TNRC6B: variants seen among roughly 807,000 people sequenced by gnomAD.
The protein encoded by TNRC6B is trinucleotide repeat containing adaptor 6B, also known as trinucleotide repeat-containing gene 6B protein.
Under a neutral mutation model 203.6 loss-of-function variants are expected in TNRC6B, and 52 were observed. The observed-to-expected ratio is 0.26, with a 90% CI of 0.20 to 0.32. The LOEUF is 0.32. Ranked by LOEUF, TNRC6B falls within the 10% of genes least tolerant of loss-of-function variation. The pLI, the probability that TNRC6B is intolerant of heterozygous loss-of-function variation, is 1.00. For missense variants in TNRC6B, 1,923 were observed against 2,286.2 expected (o/e 0.84, Z 3.24); for synonymous variants, 838 against 845.7 (o/e 0.99, Z 0.16).
At chr22:40,299,922 G>A (rs1383565570) in intron 12 of TNRC6B, among the ~76,000 whole-genome samples, 2 of 152,234 alleles carry the variant, frequency 1.3e-5, no homozygotes, top group Non-Finnish European at 2.9e-5. Flanking sequence ...ACCCTGCCGG[G>A]TCAGTGACCT....
chr22:40,129,431 A>G (rs1454954663), intron 3 of TNRC6B, among the ~76,000 whole-genome samples: 2 of 152,194 alleles, frequency 1.3e-5, no homozygotes, highest in Non-Finnish European at 2.9e-5. Flanking sequence ...GGGTAGGACT[A>G]CATTCATGGG....
chr22:40,263,475 G>C (rs1244369024), intron 4 of TNRC6B, among the ~76,000 whole-genome samples: 7 of 152,210 alleles, frequency 4.6e-5, no homozygotes, highest in Admixed American at 2.6e-4. Context: ...CCAGGCCTAG[G>C]TGGAGACTGG....
rs138634667 is a variant in TNRC6B, at chr22:40,280,180, A to G, written c.3411+37A>G. 1.8e-3 allele frequency: 2,880 copies of G among 1,591,048 alleles called. 41 individuals are homozygous for G. The African/African-American group carries it at 0.035, about 19-fold the overall frequency. ...CCTTTGTTTAAGATAATAATTCATG[A>G]GAACCGCTTTGGTTCCCATTTGTCT... is the stretch of plus-strand genomic sequence containing the variant. On this transcript the variant is annotated intron_variant, in intron 10 of 22. Transcript: ENST00000454349.
chr22:40,062,358 G>A (rs1056828980), intron 1 of TNRC6B, among the ~76,000 whole-genome samples: 1 of 151,814 alleles, frequency 6.6e-6, no homozygotes, highest in Non-Finnish European at 1.5e-5. Flanking sequence ...CCACCACCAT[G>A]CCCAGCTGCC....
At chr22:40,185,941 G>A (rs2146386836) in intron 1 of TNRC6B, among the ~76,000 whole-genome samples, 1 of 152,294 alleles carries the variant, frequency 6.6e-6, no homozygotes, top group East Asian at 1.9e-4. Flanking sequence ...CGCATTCCAG[G>A]TCAGACTTAC....
chr22:40,318,933 T>C (rs559557273), intron 21 of TNRC6B, among the ~76,000 whole-genome samples: 1 of 152,096 alleles, frequency 6.6e-6, no homozygotes, highest in South Asian at 2.1e-4. Context: ...TAGCCGGGTA[T>C]GGTGGTGGGT....
intron 1 of TNRC6B, among the ~76,000 whole-genome samples, chr22:40,114,136 A>C (rs551195023): frequency 6.6e-6 from 1 of 152,280 alleles, no homozygotes; most frequent in Admixed American, 6.5e-5. Context: ...AATTGTGCTG[A>C]ATAGTCAAGT....
At chr22:40,149,675 C>A (rs1357875898) in intron 3 of TNRC6B, among the ~76,000 whole-genome samples, 3 of 122,250 alleles carry the variant, frequency 2.5e-5, no homozygotes, top group African/African-American at 1.1e-4. Flanking sequence ...TCTCCCTCCC[C>A]CGCCAAAAAA....
chr22:40,207,418 A>AT (rs1555889669), intron 1 of TNRC6B, among the ~76,000 whole-genome samples: 228 of 128,816 alleles, frequency 1.8e-3, no homozygotes, highest in East Asian at 4.5e-3. Context: ...AAAAAAAAAA[A>AT]ATATATATAT....
chr22:40,139,549 C>T (rs962920571), intron 3 of TNRC6B, among the ~76,000 whole-genome samples: 1 of 152,188 alleles, frequency 6.6e-6, no homozygotes, highest in East Asian at 1.9e-4. Context: ...CCAGGCTGGT[C>T]TCGAACTCCT....
At chr22:40,085,538 T>C (rs755475589) in intron 1 of TNRC6B, among the ~76,000 whole-genome samples, 7 of 152,204 alleles carry the variant, frequency 4.6e-5, no homozygotes, top group Non-Finnish European at 1.0e-4. Flanking sequence ...TTCTGGATTT[T>C]GCTAATTGTG....
At chr22:40,143,711 T>C (rs1002245179) in intron 3 of TNRC6B, among the ~76,000 whole-genome samples, 2 of 152,204 alleles carry the variant, frequency 1.3e-5, no homozygotes, top group East Asian at 1.9e-4. Flanking sequence ...TTAGCCAGGA[T>C]GGTCTCGATC....
rs574653422 is a variant in TNRC6B at position 40,153,016 on chromosome 22, C to T, written c.46-3099C>T. ...ACTCGGGAGGCTGAGACAGGAGAAC[C>T]GCTTGAACCCAGGAGGGGAGGCTGC... On this transcript the variant is annotated intron_variant, in intron 3 of 23. Transcript: ENST00000301923. Among the ~76,000 whole-genome samples the T allele has an allele frequency of 1.1e-3, 160 of 151,958 alleles. 2 individuals are homozygous for T. The highest frequency in any genetic ancestry group is 3.5e-4 in the Non-Finnish European group (24 of 67,956).
chr22:40,272,265 G>A (rs1235010259), intron 6 of TNRC6B, among the ~76,000 whole-genome samples: 1 of 152,160 alleles, frequency 6.6e-6, no homozygotes, highest in Admixed American at 6.5e-5. Flanking sequence ...TGGCTACAAT[G>A]AACCCCACTG....
intron 1 of TNRC6B, among the ~76,000 whole-genome samples, chr22:40,055,436 G>C (rs2067786134): frequency 6.6e-6 from 1 of 152,172 alleles, no homozygotes; most frequent in African/African-American, 2.4e-5. Context: ...GACCGGCACA[G>C]CGGTATGCTT....
intron 1 of TNRC6B, among the ~76,000 whole-genome samples, chr22:40,062,701 C>T (rs2067864007): frequency 6.6e-6 from 1 of 152,102 alleles, no homozygotes; most frequent in South Asian, 2.1e-4. Context: ...TTGCGTTTGC[C>T]TGAACGCTAA....
intron 2 of TNRC6B, chr22:40,125,648 A>AC: frequency 1.7e-6 from 1 of 604,302 alleles, no homozygotes; most frequent in Non-Finnish European, 2.9e-6. Context: ...CACACACACA[A>AC]AGTTACTCAA....
intron 18 of TNRC6B, 109 bp from the exon 19 acceptor site, chr22:40,312,793 C>G: frequency 1.4e-6 from 2 of 1,463,964 alleles, no homozygotes; most frequent in Non-Finnish European, 9.4e-7. Context: ...ATTTGTTAGA[C>G]ATATTTTGTC....
At chr22:40,208,668 A>G (rs1198496454) in intron 1 of TNRC6B, among the ~76,000 whole-genome samples, 1 of 152,130 alleles carries the variant, frequency 6.6e-6, no homozygotes, top group Non-Finnish European at 1.5e-5. Flanking sequence ...GAGTACCGGA[A>G]AGGTTATTCC....
Sources: allele counts gnomAD v4.1 joint callset (sites outside exome capture counted in the v4.1 genomes callset), GRCh38; gene constraint gnomAD v4.1.1; transcripts MANE v1.5; gene names NCBI Gene and HGNC (gene_info 2026-07-23, HGNC 2026-07-21).